The following ZNF526 variants were observed in gnomAD, a reference collection of about 807,000 sequenced individuals.
ZNF526 encodes zinc finger protein 526.
A neutral mutation model predicts 32.4 loss-of-function variants in ZNF526; 16 were observed. The ratio of observed to expected loss-of-function variants is 0.49; its 90% confidence interval spans 0.33 to 0.75. The LOEUF (loss-of-function observed/expected upper bound fraction) is 0.75. Ranked by LOEUF, ZNF526 falls within the 30% of genes least tolerant of loss-of-function variation. The pLI, the probability that ZNF526 is intolerant of heterozygous loss-of-function variation, is 0.02. For synonymous variants in ZNF526, 355 were observed against 363.4 expected, an observed-to-expected ratio of 0.98 and a Z score of 0.26; for missense variants, 838 against 920.7, an observed-to-expected ratio of 0.91 and a Z score of 1.16.
Position 42,225,050 on chromosome 19 carries a change from A to G in ZNF526, c.647A>G (p.Gln216Arg). The G allele has an allele frequency of 2.5e-6, 4 of 1,614,198 alleles. No individual in the cohort carries two copies. Among genetic ancestry groups the G allele is most frequent in the Non-Finnish European group, 3.4e-6 (4 of 1,180,016 alleles). ...CATPEEFLEHQGTHFDSLEKE... is the reference protein window; with the variant it reads ...CATPEEFLEHRGTHFDSLEKE... ...ACCCCTGAGGAGTTCTTGGAGCATC[A>G]GGGCACCCACTTTGACTCCCTAGAG... Residue 216 changes from glutamine to arginine, a missense_variant, in exon 3 of 3, where the codon CAG (glutamine) becomes CGG (arginine). Gln to Arg is a conservative substitution (Grantham distance 43). Transcript: ENST00000301215.
chr19:42,225,687 G>GCCCCCCCCCCCCCCCCCCCCC lies in ZNF526; in HGVS notation c.1287_1288insCCCCCCCCCCCCCCCCCCCCC (p.Pro429_Thr430insProProProProProProPro). On this transcript the variant is annotated inframe_insertion, in exon 3 of 3. Transcript: ENST00000301215. ...CAACAGCTCCCCCAGCTCCAGCGGA[G>GCCCCCCCCCCCCCCCCCCCCC]CCCACCCCTCCACCACCACCCCCTG... The GCCCCCCCCCCCCCCCCCCCCC allele has an allele frequency of 6.2e-7, 1 of 1,610,642 alleles. No homozygotes were observed.
At position 42,225,974 on chromosome 19, in the gene ZNF526, G is replaced by C; in HGVS notation, c.1571G>C (p.Gly524Ala). The C allele has an allele frequency of 6.2e-7, 1 of 1,614,046 alleles. No individual in the cohort carries two copies. Among genetic ancestry groups the C allele is most frequent in the Non-Finnish European group, 8.5e-7 (1 of 1,180,044 alleles). ...NLSRHQLTHT[G>A]ARPYQCLDCG... is the part of the protein sequence containing the mutation. ...AGCCGCCACCAGCTGACCCATACGGGTGCACGTCCCTACCAATGCCTGGAC... is the reference window on the plus strand; with the variant it reads ...AGCCGCCACCAGCTGACCCATACGGCTGCACGTCCCTACCAATGCCTGGAC... Residue 524 changes from glycine (G) to alanine (A), a missense_variant, in exon 3 of 3, where the codon GGT (glycine) becomes GCT (alanine). Physicochemically the swap from Gly to Ala is moderately conservative, Grantham distance 60 (BLOSUM62 0). Transcript: ENST00000301215.
rs1204604393 is a variant in ZNF526, at chr19:42,224,648, C to T, written c.245C>T (p.Ala82Val). Residue 82 changes from alanine to valine, a missense_variant, in exon 3 of 3, where the codon GCT becomes GTT. By Grantham distance (64) the Ala-to-Val change is moderately conservative. Coordinates refer to ENST00000301215, the MANE Select transcript of ZNF526 (RefSeq NM_133444.3). ...VLSHQEQHML[A>V]VSEEEALTTQ... ...TCACACCAGGAGCAGCACATGCTTG[C>T]TGTCTCAGAGGAGGAGGCACTGACC... The T allele has an allele frequency of 1.2e-6, 2 of 1,614,110 alleles. No individual in the cohort carries two copies. The highest frequency in any genetic ancestry group is 1.7e-5 in the Admixed American group (1 of 60,012).
In ZNF526 at chr19:42,226,378, G is replaced by A; in HGVS notation, c.1975G>A (p.Ala659Thr). Reference sequence around the variant, plus strand: ...CCAGGCTGCACTGGGGGCCAGTGAAGCAGGCGGGCTCTTGCAGTTGGACAC... The same window carrying A: ...CCAGGCTGCACTGGGGGCCAGTGAAACAGGCGGGCTCTTGCAGTTGGACAC... ...LCQAALGASEAGGLLQLDTAF... is the reference protein window; with the variant it reads ...LCQAALGASETGGLLQLDTAF... The change falls in exon 3 of 3, where the codon GCA (alanine) becomes ACA (threonine). Residue 659 changes from alanine (A) to threonine (T), a missense_variant. Ala to Thr is a moderately conservative substitution (Grantham distance 58). Transcript: ENST00000301215. 6.2e-7 allele frequency: 1 copy of A among 1,614,248 alleles called. No homozygotes were observed. The highest frequency in any genetic ancestry group is 1.7e-5 in the Admixed American group (1 of 60,034).
Position 42,225,652 on chromosome 19 carries a change from C to G in ZNF526, c.1249C>G (p.Pro417Ala), listed in dbSNP as rs2036169633. The G allele has an allele frequency of 6.2e-7, 1 of 1,613,382 alleles. No homozygotes were observed. The highest frequency in any genetic ancestry group is 1.3e-5 in the African/African-American group (1 of 74,934). Reference protein sequence around the residue: ...RTHAGKSGAPPTGATAPPAPA... With the variant: ...RTHAGKSGAPATGATAPPAPA... ...TCACGCCGGCAAAAGCGGGGCACCT[C>G]CCACAGGAGCAACAGCTCCCCCAGC... The change falls in exon 3 of 3, where the codon CCC becomes GCC. Residue 417 changes from proline to alanine, a missense_variant. Pro to Ala is a conservative substitution (Grantham distance 27). Transcript: ENST00000301215.
Position 42,224,260 on chromosome 19 carries a change from A to C in ZNF526, c.-63A>C, listed in dbSNP as rs1568461805. On this transcript the variant is annotated 5_prime_UTR_variant, in exon 2 of 3. Coordinates refer to ENST00000301215, the MANE Select transcript of ZNF526 (RefSeq NM_133444.3). ...GGCTTCAGAGACATGGGATCACGGA[A>C]GACTGAAGCAGAAACAGTGGATTAA... 1.4e-6 allele frequency: 1 copy of C among 740,082 alleles called. No homozygotes were observed. The highest frequency in any genetic ancestry group is 2.4e-6 in the Non-Finnish European group (1 of 424,250). 45.8% of individuals were successfully genotyped at this position (740,082 alleles called of 1,614,324 possible).
intron 1 of ZNF526, among the ~76,000 whole-genome samples, chr19:42,221,469 C>G (rs930436005): frequency 1.3e-5 from 2 of 151,784 alleles, no homozygotes; most frequent in African/African-American, 4.8e-5. Context: ...CCCATCTCTA[C>G]TAAAAATACA....
In ZNF526 at chr19:42,226,447, G is replaced by A; in HGVS notation, c.*31G>A. 6.2e-7 allele frequency: 1 copy of A among 1,613,932 alleles called. No individual in the cohort carries two copies. The highest frequency in any genetic ancestry group is 1.3e-5 in the African/African-American group (1 of 75,062). On this transcript the variant is annotated 3_prime_UTR_variant, in exon 3 of 3. Coordinates refer to ENST00000301215, the MANE Select transcript of ZNF526 (RefSeq NM_133444.3). ...CTGAAAAGCAACAACAAAAGGGTTT[G>A]GTTGCAACAGCCAGTGTGGGTACCT...
Position 42,225,828 on chromosome 19 carries a change from G to A in ZNF526, c.1425G>A (p.Gly475=). Residue 475 remains glycine (G), a synonymous_variant, in exon 3 of 3, where the codon GGG becomes GGA. Coordinates refer to ENST00000301215, the MANE Select transcript of ZNF526 (RefSeq NM_133444.3). ...HGPPERRHRC[G]VCGKGFKKLI... is the part of the protein sequence containing the mutation. ...CCCCTGAACGGCGTCACCGCTGTGG[G>A]GTTTGTGGCAAGGGCTTCAAGAAGC... 6.2e-7 allele frequency: 1 copy of A among 1,614,068 alleles called. No individual in the cohort carries two copies. Among genetic ancestry groups the A allele is most frequent in the Non-Finnish European group, 8.5e-7 (1 of 1,180,036 alleles).
rs2036178286 is a variant in ZNF526 at position 42,226,156 on chromosome 19, A to G, written c.1753A>G (p.Met585Val). 6.2e-7 allele frequency: 1 copy of G among 1,607,462 alleles called. No individual in the cohort carries two copies. Among genetic ancestry groups the G allele is most frequent in the Non-Finnish European group, 8.5e-7 (1 of 1,180,000 alleles). The change falls in exon 3 of 3, where the codon ATG becomes GTG. Residue 585 changes from methionine (M) to valine (V), a missense_variant. By Grantham distance (21) the Met-to-Val change is conservative. Coordinates refer to ENST00000301215, the MANE Select transcript of ZNF526 (RefSeq NM_133444.3). ...GACTTGTGGCCGCTGGTTCCGCGCC[A>G]TGGCGGGCTTGCGACTGCATCAGCG... ...CGTCGRWFRAMAGLRLHQRVH... is the reference protein window; with the variant it reads ...CGTCGRWFRAVAGLRLHQRVH...
chr19:42,225,337 C>T lies in ZNF526; in HGVS notation c.934C>T (p.Arg312Cys), dbSNP rs780428240. The T allele has an allele frequency of 2.1e-5, 34 of 1,613,712 alleles. No homozygotes were observed. Among genetic ancestry groups the T allele is most frequent in the South Asian group, 6.6e-5 (6 of 91,084 alleles). Residue 312 changes from arginine to cysteine, a missense_variant, in exon 3 of 3, where the codon CGC becomes TGC. By Grantham distance (180) the Arg-to-Cys change is radical. Coordinates refer to ENST00000301215, the MANE Select transcript of ZNF526 (RefSeq NM_133444.3). ...THPFHCSQCQ[R>C]SFSSANRLQA... ...CCCCTTCCACTGCAGCCAGTGTCAG[C>T]GCAGTTTCAGCTCCGCCAACCGGCT... is the stretch of plus-strand genomic sequence containing the variant.
Position 42,225,246 on chromosome 19 carries a change from C to G in ZNF526, c.843C>G (p.His281Gln). The change falls in exon 3 of 3, where the codon CAC (histidine) becomes CAG (glutamine). Residue 281 changes from histidine (H) to glutamine (Q), a missense_variant. Coordinates refer to ENST00000301215, the MANE Select transcript of ZNF526 (RefSeq NM_133444.3). The part of the protein sequence containing the change: ...WAQGCGDCPQ[H>Q]QPSAGARRQH... ...AGGGCTGCGGGGACTGTCCCCAGCA[C>G]CAGCCCTCAGCAGGGGCTCGCCGGC... 6.2e-7 allele frequency: 1 copy of G among 1,614,060 alleles called. No individual in the cohort carries two copies. The highest frequency in any genetic ancestry group is 8.5e-7 in the Non-Finnish European group (1 of 1,179,962).
chr19:42,220,658 C>G (rs906906744), intron 1 of ZNF526: 2 of 152,132 alleles, frequency 1.3e-5, no homozygotes, highest in African/African-American at 2.4e-5. Flanking sequence ...CGTTGTAAAG[C>G]GGGAAAGTTG....
At position 42,226,180 on chromosome 19, in the gene ZNF526, CG is replaced by C; in HGVS notation, c.1780del (p.Val594SerfsTer8). On this transcript the variant is annotated frameshift_variant, in exon 3 of 3. Coordinates refer to ENST00000301215, the MANE Select transcript of ZNF526 (RefSeq NM_133444.3). LOFTEE classifies it high-confidence loss of function. ...RAMAGLRLHQ[R>X]VHARARTLTL... ...CATGGCGGGCTTGCGACTGCATCAGCGGGTCCATGCCCGAGCTCGGACTTTG... is the reference window on the plus strand; with the variant it reads ...CATGGCGGGCTTGCGACTGCATCAGCGGTCCATGCCCGAGCTCGGACTTTG... 1 of 1,608,582 alleles carries C rather than the reference CG, an allele frequency of 6.2e-7. No homozygotes were observed. Among genetic ancestry groups the C allele is most frequent in the Non-Finnish European group, 8.5e-7 (1 of 1,180,012 alleles).
rs1197200049 is a variant in ZNF526, at chr19:42,227,750, C to T, written c.*1334C>T. 6.6e-6 allele frequency: 1 copy of T among 151,874 alleles called. No homozygotes were observed. Among genetic ancestry groups the T allele is most frequent in the African/African-American group, 2.4e-5 (1 of 41,292 alleles). 9.4% of individuals were successfully genotyped at this position (151,874 alleles called of 1,614,324 possible). On this transcript the variant is annotated 3_prime_UTR_variant, in exon 3 of 3. Transcript: ENST00000301215. ...CTCCAGCCTGGGCGACAGAGTGAGA[C>T]TCCCTCTCAAAAGAAAATAAAAATA... is the stretch of plus-strand genomic sequence containing the variant.
At chr19:42,224,010 T>TATA (rs1357311255) in intron 1 of ZNF526, among the ~76,000 whole-genome samples, 6 of 136,706 alleles carry the variant, frequency 4.4e-5, no homozygotes, top group Admixed American at 7.5e-5. Context: ...TATACAAAAA[T>TATA]TAGCCAGGCA....
chr19:42,225,269 G>A lies in ZNF526; in HGVS notation c.866G>A (p.Arg289Gln), dbSNP rs747096491. The stretch of plus-strand genomic sequence containing the variant: ...CACCAGCCCTCAGCAGGGGCTCGCC[G>A]GCAACACCGGCGGACGGCTCACAGC... Reference protein sequence around the residue: ...PQHQPSAGARRQHRRTAHSPA... With the variant: ...PQHQPSAGARQQHRRTAHSPA... Residue 289 changes from arginine to glutamine, a missense_variant, in exon 3 of 3, where the codon CGG (arginine) becomes CAG (glutamine). By Grantham distance (43) the Arg-to-Gln change is conservative. Transcript: ENST00000301215. 4.3e-6 allele frequency: 7 copies of A among 1,613,382 alleles called. No homozygotes were observed. Among genetic ancestry groups the A allele is most frequent in the Admixed American group, 3.3e-5 (2 of 59,994 alleles).
intron 1 of ZNF526, among the ~76,000 whole-genome samples, chr19:42,223,974 AATATATATATATATATAT>A (rs35211089): frequency 2.7e-5 from 3 of 110,624 alleles, no homozygotes; most frequent in African/African-American, 6.7e-5. Flanking sequence ...TCTCTACTAA[AATATATATATATATATAT>A]ATATATATAT....
chr19:42,225,282 G>A lies in ZNF526; in HGVS notation c.879G>A (p.Arg293=). 1 of 1,613,046 alleles carries A rather than the reference G, an allele frequency of 6.2e-7. No individual in the cohort carries two copies. The highest frequency in any genetic ancestry group is 8.5e-7 in the Non-Finnish European group (1 of 1,179,336). ...CAGGGGCTCGCCGGCAACACCGGCG[G>A]ACGGCTCACAGCCCGGCATCTGCCA... ...PSAGARRQHR[R]TAHSPASATH... The change falls in exon 3 of 3, where the codon CGG becomes CGA. Residue 293 remains arginine, a synonymous_variant. Coordinates refer to ENST00000301215, the MANE Select transcript of ZNF526 (RefSeq NM_133444.3).
Sources: allele counts gnomAD v4.1 joint callset (sites outside exome capture counted in the v4.1 genomes callset), GRCh38; gene constraint gnomAD v4.1.1; transcripts MANE v1.5; gene names NCBI Gene and HGNC (gene_info 2026-07-23, HGNC 2026-07-21).